The following PLS3 variants were observed in gnomAD, a reference collection of about 807,000 sequenced individuals.
PLS3 encodes plastin 3, also known as plastin-3.
In PLS3, 11 loss-of-function variants were observed where a neutral mutation model predicts 46.5. The observed-to-expected ratio is 0.24, with a 90% CI of 0.15 to 0.39. The LOEUF is 0.39. PLS3 is among the 10% of genes least tolerant of loss of function. The pLI is 1.00. For synonymous variants in PLS3, 167 were observed against 162.2 expected (o/e 1.03, Z -0.22); for missense variants, 308 against 461.8 (o/e 0.67, Z 3.05).
At chrX:115,637,488 G>A (rs992433689) in intron 8 of PLS3, among the ~76,000 whole-genome samples, 16 of 111,669 alleles carry the variant, frequency 1.4e-4, no homozygotes, top group Non-Finnish European at 2.6e-4. Flanking sequence ...TCCTACTAAA[G>A]CCAACTTAAA....
chrX:115,598,754 G>A (rs782443625), intron 1 of PLS3, among the ~76,000 whole-genome samples: 28 of 112,185 alleles, frequency 2.5e-4, no homozygotes, highest in Admixed American at 7.6e-4. Context: ...AAATTAAGCA[G>A]TATTAACAAA....
intron 1 of PLS3, among the ~76,000 whole-genome samples, chrX:115,606,649 T>C (rs782274432): frequency 9.9e-5 from 11 of 111,367 alleles, no homozygotes; most frequent in Non-Finnish European, 1.9e-4. Context: ...GCCATTGTTC[T>C]CCTTGGTGTG....
chrX:115,631,045 T>TTATA (rs60211968), intron 5 of PLS3, among the ~76,000 whole-genome samples: 1,561 of 94,577 alleles, frequency 0.017, 37 homozygotes, highest in African/African-American at 0.057. Context: ...TAATATAACA[T>TTATA]TATATATATA....
chrX:115,646,172 G>A lies in PLS3; in HGVS notation c.1363G>A (p.Ala455Thr). ...TAAACCTCCATACCCGAAACTGGGA[G>A]CCAACATGAAAAAGGTAGATAATTA... ...VNKPPYPKLGANMKKLENCNY... is the reference protein window; with the variant it reads ...VNKPPYPKLGTNMKKLENCNY... Residue 455 changes from alanine to threonine, a missense_variant, in exon 12 of 16, where the codon GCC becomes ACC. Physicochemically the swap from Ala to Thr is moderately conservative, Grantham distance 58. Transcript: ENST00000355899. 8.9e-7 allele frequency: 1 copy of A among 1,123,335 alleles called. No homozygotes were observed. Among genetic ancestry groups the A allele is most frequent in the Admixed American group, 2.3e-5 (1 of 44,014 alleles). The allele number at this position is 1,123,335 out of a possible 1,213,427, so 92.6% of individuals were successfully genotyped here.
intron 7 of PLS3, among the ~76,000 whole-genome samples, 187 bp downstream of exon 7, chrX:115,635,233 T>G (rs781990617): frequency 9.0e-6 from 1 of 111,643 alleles, no homozygotes; most frequent in African/African-American, 3.3e-5. Context: ...GTAATTCACA[T>G]TTGTCTGGCA....
chrX:115,591,894 C>T (rs2074347713), intron 1 of PLS3, among the ~76,000 whole-genome samples: 1 of 112,357 alleles, frequency 8.9e-6, no homozygotes, highest in African/African-American at 3.2e-5. Flanking sequence ...TCCTATGACT[C>T]CTGCCATTGT....
chrX:115,612,620 A>G (rs1203697315), intron 2 of PLS3, among the ~76,000 whole-genome samples: 2 of 111,599 alleles, frequency 1.8e-5, no homozygotes, highest in Non-Finnish European at 1.9e-5. Flanking sequence ...GATTTTCCCC[A>G]TCTATTAACA....
chrX:115,583,233 G>T (rs1484874619), intron 1 of PLS3, among the ~76,000 whole-genome samples: 1 of 112,081 alleles, frequency 8.9e-6, no homozygotes, highest in Admixed American at 9.5e-5. Flanking sequence ...AATACCAAAA[G>T]TATACACATG....
chrX:115,615,487 CAGAG>C (rs72382307), intron 2 of PLS3, among the ~76,000 whole-genome samples: 2,631 of 73,649 alleles, frequency 0.036, 37 homozygotes, highest in Middle Eastern at 0.038. Flanking sequence ...CACGTGTCAT[CAGAG>C]AGAGAGAGAG....
At chrX:115,648,972 CTG>C (rs1285557548) in intron 15 of PLS3, among the ~76,000 whole-genome samples, 5 of 111,414 alleles carry the variant, frequency 4.5e-5, no homozygotes, top group Non-Finnish European at 7.5e-5. Context: ...ACCACGTAGA[CTG>C]TCTCCCCTCT....
chrX:115,603,562 A>C (rs1214939961), intron 1 of PLS3, among the ~76,000 whole-genome samples: 1 of 111,509 alleles, frequency 9.0e-6, no homozygotes, highest in Non-Finnish European at 1.9e-5. Context: ...GGAAAAATAT[A>C]TCTCTATTTC....
In PLS3 at chrX:115,641,225, CTTT is replaced by C. The variant is rs35431475; in HGVS notation, c.987+740_987+742del. On this transcript the variant is annotated intron_variant, in intron 9 of 15. Transcript: ENST00000355899. The stretch of plus-strand genomic sequence containing the variant: ...TGGCTAAACCATTTTTCTTCTCTTT[CTTT>C]TTTTTTTTTTTTTTTTTGAGACAGA... Among the ~76,000 whole-genome samples the C allele has an allele frequency of 2.5e-3, 209 of 82,366 alleles. 1 individual carries two copies. Among genetic ancestry groups the C allele is most frequent in the African/African-American group, 9.4e-3 (193 of 20,468 alleles). The allele number at this position is 82,366 out of a possible 115,157, so 71.5% of individuals were successfully genotyped here.
chrX:115,608,766 A>G (rs2074518940), intron 1 of PLS3, among the ~76,000 whole-genome samples: 1 of 111,761 alleles, frequency 8.9e-6, no homozygotes, highest in African/African-American at 3.3e-5. Flanking sequence ...GGTGTGTAGT[A>G]AGCTATACCA....
intron 1 of PLS3, among the ~76,000 whole-genome samples, chrX:115,600,882 TAG>T (rs1227541635): frequency 3.6e-5 from 4 of 109,913 alleles, no homozygotes; most frequent in African/African-American, 1.3e-4. Flanking sequence ...AGAATTTGGA[TAG>T]AGAGAGAGGA....
At chrX:115,563,335 A>T (rs1244927073) in intron 1 of PLS3, among the ~76,000 whole-genome samples, 4 of 111,871 alleles carry the variant, frequency 3.6e-5, no homozygotes, top group African/African-American at 1.3e-4. Flanking sequence ...AATTTGATAC[A>T]TCGAGTTGGT....
intron 7 of PLS3, among the ~76,000 whole-genome samples, chrX:115,636,631 A>G (rs2074839837): frequency 8.9e-6 from 1 of 112,065 alleles, no homozygotes; most frequent in African/African-American, 3.2e-5. Context: ...AGAATAACAG[A>G]GAAAAGAATA....
chrX:115,600,333 T>C lies in PLS3; in HGVS notation c.-8-9910T>C, dbSNP rs955700361. On this transcript the variant is annotated intron_variant, in intron 1 of 15. Coordinates refer to ENST00000355899, the MANE Select transcript of PLS3 (RefSeq NM_005032.7). ...TAAGAGAAGGAGTCTCGCTATGTTGTACAGGTTGGTCCCAAACTCCTGGCC... is the reference window on the plus strand; with the variant it reads ...TAAGAGAAGGAGTCTCGCTATGTTGCACAGGTTGGTCCCAAACTCCTGGCC... Among the ~76,000 whole-genome samples the C allele has an allele frequency of 4.6e-5, 5 of 108,328 alleles. No individual in the cohort carries two copies. In the East Asian group the frequency reaches 1.2e-3, roughly 25 times the overall value. 94.1% of individuals were successfully genotyped at this position (108,328 alleles called of 115,157 possible).
intron 8 of PLS3, among the ~76,000 whole-genome samples, chrX:115,638,527 G>T (rs1482603339): frequency 9.0e-6 from 1 of 111,097 alleles, no homozygotes; most frequent in Non-Finnish European, 1.9e-5. Context: ...TTACAGGCAT[G>T]AGCCATGGTA....
chrX:115,581,221 C>T (rs782814939), intron 1 of PLS3, among the ~76,000 whole-genome samples: 17 of 111,723 alleles, frequency 1.5e-4, no homozygotes, highest in African/African-American at 4.9e-4. Context: ...ATTGTTTTGC[C>T]TTAAGGAAAG....
Sources: gnomAD v4.1 joint callset for allele counts (sites outside exome capture counted in the v4.1 genomes callset) on GRCh38, gnomAD v4.1.1 for gene constraint, MANE v1.5 for transcripts, NCBI Gene and HGNC (gene_info 2026-07-23, HGNC 2026-07-21) for gene names.